Variants in MIB2 observed in about 807,000 individuals in gnomAD.
MIB2 encodes the protein MIB E3 ubiquitin protein ligase 2.
A neutral mutation model predicts 96.6 loss-of-function variants in MIB2; 78 were observed. That is an observed-to-expected ratio of 0.81 (90% CI 0.67 to 0.97). The LOEUF is 0.97. Among genes scored for constraint, MIB2 ranks in the 50% least tolerant of loss-of-function variants. The pLI is 0.00. For synonymous variants in MIB2, 820 were observed against 629.5 expected (o/e 1.30, Z -4.53); for missense variants, 1,543 against 1,424.0 (o/e 1.08, Z -1.35).
Position 1,627,166 on chromosome 1 carries a change from G to A in MIB2, c.1333G>A (p.Ala445Thr), listed in dbSNP as rs757806716. The change falls in exon 11 of 20, where the codon GCA becomes ACA. Residue 445 changes from alanine (A) to threonine (T), a missense_variant. Coordinates refer to ENST00000355826, the MANE Select transcript of MIB2 (RefSeq NM_001170687.4). ...GGTGGTGGAGGTGGCGCTGGGTAAC[G>A]CAGCCCGGGCTCTGGACCTGCTGCG... is the stretch of plus-strand genomic sequence containing the variant. ...RLVVEVALGN[A>T]ARALDLLRRR... 35 of 1,590,124 alleles carry A rather than the reference G, an allele frequency of 2.2e-5. No individual in the cohort carries two copies. Among genetic ancestry groups the A allele is most frequent in the Admixed American group, 5.4e-5 (3 of 55,538 alleles).
rs1000822115 is a variant in MIB2 at position 1,630,600 on chromosome 1, C to T, written c.*70C>T. 1.6e-6 allele frequency: 2 copies of T among 1,280,384 alleles called. No individual in the cohort carries two copies. Among genetic ancestry groups the T allele is most frequent in the Non-Finnish European group, 2.1e-6 (2 of 958,970 alleles). 79.3% of individuals were successfully genotyped at this position (1,280,384 alleles called of 1,614,324 possible). A position where few individuals can be genotyped will look rare whatever the true frequency, so the allele number is the denominator to read the frequency against. On this transcript the variant is annotated 3_prime_UTR_variant, in exon 20 of 20. Transcript: ENST00000355826. ...CCTGTGTTTTATAAAAAGAAAGATTCTCGGACGTTGCCTCTGCTGTCTGCC... is the reference window on the plus strand; with the variant it reads ...CCTGTGTTTTATAAAAAGAAAGATTTTCGGACGTTGCCTCTGCTGTCTGCC...
Position 1,625,076 on chromosome 1 carries a change from T to G in MIB2, c.612T>G (p.Ala204=), listed in dbSNP as rs532192492. The change falls in exon 6 of 20, where the codon GCT becomes GCG. Residue 204 remains alanine (A), a synonymous_variant. Transcript: ENST00000355826. This position sits in a 1 kb window ranked among gnomAD's most constrained non-coding sequence, Gnocchi z 5.0. The part of the protein sequence containing the change: ...TGRSVASVTW[A]DGTTNVYRVG... Reference sequence around the variant, plus strand: ...GGAGTGTGGCCAGCGTGACGTGGGCTGATGGTACCACCAATGTGTACCGTG... The same window carrying G: ...GGAGTGTGGCCAGCGTGACGTGGGCGGATGGTACCACCAATGTGTACCGTG... 1 of 1,613,300 alleles carries G rather than the reference T, an allele frequency of 6.2e-7. No individual in the cohort carries two copies. The highest frequency in any genetic ancestry group is 8.5e-7 in the Non-Finnish European group (1 of 1,179,998).
At chr1:1,622,354 C>T (rs1049830710) in intron 2 of MIB2, among the ~76,000 whole-genome samples, 6 of 152,206 alleles carry the variant, frequency 3.9e-5, no homozygotes, top group African/African-American at 1.4e-4. Context: ...CACATCCATT[C>T]TTCTTGTTAA....
At chr1:1,628,445 C>T in intron 15 of MIB2, 44 bp from the exon 16 acceptor site, 1 of 1,599,142 alleles carries the variant, frequency 6.3e-7, no homozygotes, top group Non-Finnish European at 8.5e-7. Context: ...GAGCGGGAGG[C>T]CCACTGGGGT....
At chr1:1,623,730 G>A (rs1287201072) in intron 3 of MIB2, 31 bp downstream of exon 3, 1 of 1,534,264 alleles carries the variant, frequency 6.5e-7, no homozygotes, top group Non-Finnish European at 8.8e-7. Context: ...GGACGGGCAG[G>A]ACCCGGGGGC....
At chr1:1,615,725 C>G in intron 1 of MIB2, 92 bp downstream of exon 1, 1 of 1,491,568 alleles carries the variant, frequency 6.7e-7, no homozygotes, top group Non-Finnish European at 8.9e-7. Flanking sequence ...GTCCGGTTCC[C>G]GCTCCCGCTG....
In MIB2 at chr1:1,629,217, G is replaced by A. The variant is rs752756516; in HGVS notation, c.2287G>A (p.Val763Met). 2 of 1,538,422 alleles carry A rather than the reference G, an allele frequency of 1.3e-6. No homozygotes were observed. Among genetic ancestry groups the A allele is most frequent in the Non-Finnish European group, 1.7e-6 (2 of 1,152,464 alleles). The change falls in exon 17 of 20, where the codon GTG (valine) becomes ATG (methionine). Residue 763 changes from valine to methionine, a missense_variant. Transcript: ENST00000355826. Reference sequence around the variant, plus strand: ...CTTCCTGGCGCTGGAGGGCGCCGACGTGAGCTACACCAACCACCGCGGTCG... The same window carrying A: ...CTTCCTGGCGCTGGAGGGCGCCGACATGAGCTACACCAACCACCGCGGTCG... ...ACFLALEGAD[V>M]SYTNHRGRSP... is the part of the protein sequence containing the mutation.
Position 1,626,953 on chromosome 1 carries a change from GGA to G in MIB2, c.1196_1197del (p.Glu399GlyfsTer30). On this transcript the variant is annotated frameshift_variant, in exon 10 of 20. Transcript: ENST00000355826. LOFTEE classifies it high-confidence loss of function. This position sits in a 1 kb window ranked among gnomAD's most constrained non-coding sequence, Gnocchi z 5.3. ...PSCLVAYRPE[E>X]DANLDVAERA... Reference sequence around the variant, plus strand: ...CCTGCCTGGTGGCCTACCGGCCCGAGGAGGATGCCAACCTGGACGTGGCCGAG... The same window carrying G: ...CCTGCCTGGTGGCCTACCGGCCCGAGGGATGCCAACCTGGACGTGGCCGAG... 7 of 1,611,414 alleles carry G rather than the reference GGA, an allele frequency of 4.3e-6. No homozygotes were observed. The highest frequency in any genetic ancestry group is 5.1e-6 in the Non-Finnish European group (6 of 1,179,606).
intron 2 of MIB2, among the ~76,000 whole-genome samples, chr1:1,620,815 G>A (rs1256944309): frequency 6.6e-6 from 1 of 152,266 alleles, no homozygotes; most frequent in African/African-American, 2.4e-5. Flanking sequence ...AGAGCAGGCA[G>A]TGGGGAGCTG....
chr1:1,623,375 C>T lies in MIB2; in HGVS notation c.-22-56C>T, dbSNP rs368037861. The T allele has an allele frequency of 2.5e-5, 39 of 1,588,676 alleles. No individual in the cohort carries two copies. In the African/African-American group the frequency reaches 4.5e-4, roughly 18 times the overall value. ...AGTGTCCCATGGTGGCCTGAGAATA[C>T]CCTCTGCCCACAGGTCCCGAGCAGC... is the stretch of plus-strand genomic sequence containing the variant. On this transcript the variant is annotated intron_variant, in intron 2 of 19. Coordinates refer to ENST00000355826, the MANE Select transcript of MIB2 (RefSeq NM_001170687.4).
chr1:1,627,004 G>A lies in MIB2; in HGVS notation c.1240+5G>A, dbSNP rs1490419767. The A allele has an allele frequency of 6.2e-6, 10 of 1,610,576 alleles. No individual in the cohort carries two copies. The highest frequency in any genetic ancestry group is 2.2e-5 in the East Asian group (1 of 44,778). ...AGCGCGCCCGGGAGAACAAAAGTGC[G>A]GCACAGCTCAGGCGGCCAGTGGGAG... On this transcript the variant is annotated splice_donor_5th_base_variant and intron_variant, in intron 10 of 19. Coordinates refer to ENST00000355826, the MANE Select transcript of MIB2 (RefSeq NM_001170687.4).
intron 14 of MIB2, 25 bp downstream of exon 14, chr1:1,628,204 T>C: frequency 1.2e-6 from 2 of 1,612,316 alleles, no homozygotes; most frequent in Non-Finnish European, 1.7e-6. Context: ...GGCACACAGC[T>C]GCAGCCGGCC....
chr1:1,616,886 C>T lies in MIB2; in HGVS notation c.-23+272C>T, dbSNP rs1643771939. On this transcript the variant is annotated intron_variant, in intron 2 of 19. Coordinates refer to ENST00000355826, the MANE Select transcript of MIB2 (RefSeq NM_001170687.4). ...GGCAAGCCTGGCCCTTCCCGGGAGG[C>T]CCCCTTTGTCCGGTTCCACCCTGGC... The T allele has an allele frequency of 2.0e-5, 8 of 395,096 alleles. No homozygotes were observed. In the South Asian group the frequency reaches 2.2e-4, roughly 11 times the overall value. The allele number at this position is 395,096 out of a possible 1,614,324, so 24.5% of individuals were successfully genotyped here. A position where few individuals can be genotyped will look rare whatever the true frequency, so the allele number is the denominator to read the frequency against.
intron 4 of MIB2, 111 bp downstream of exon 4, chr1:1,624,056 C>G: frequency 1.5e-6 from 2 of 1,292,594 alleles, no homozygotes; most frequent in Non-Finnish European, 2.1e-6. Context: ...GAAGACGGAG[C>G]AAGTCTCTCC....
At position 1,629,665 on chromosome 1, in the gene MIB2, A is replaced by G. The variant is rs1383309103; in HGVS notation, c.2590A>G (p.Ile864Val). The change falls in exon 19 of 20, where the codon ATC (isoleucine) becomes GTC (valine). Residue 864 changes from isoleucine to valine, a missense_variant. Physicochemically the swap from Ile to Val is conservative, Grantham distance 29. Coordinates refer to ENST00000355826, the MANE Select transcript of MIB2 (RefSeq NM_001170687.4). Reference protein sequence around the residue: ...EECARRMKKCIRCQVVVSKKL... With the variant: ...EECARRMKKCVRCQVVVSKKL... ...GTGCGCGCGCAGGATGAAGAAGTGC[A>G]TCAGGTGCCAGGTGGTCGTCAGCAA... 4 of 1,599,944 alleles carry G rather than the reference A, an allele frequency of 2.5e-6. No individual in the cohort carries two copies. The highest frequency in any genetic ancestry group is 3.4e-6 in the Non-Finnish European group (4 of 1,173,276).
chr1:1,615,701 A>G, intron 1 of MIB2, 68 bp downstream of exon 1: 2 of 1,511,936 alleles, frequency 1.3e-6, no homozygotes, highest in African/African-American at 1.4e-5. Context: ...CCGCTCTGGC[A>G]GAACGCGAGC....
In MIB2 at chr1:1,625,712, C is replaced by G; in HGVS notation, c.972+59C>G. 7.0e-7 allele frequency: 1 copy of G among 1,426,048 alleles called. No homozygotes were observed. The highest frequency in any genetic ancestry group is 9.6e-7 in the Non-Finnish European group (1 of 1,039,244). 88.3% of individuals were successfully genotyped at this position (1,426,048 alleles called of 1,614,324 possible). A position where few individuals can be genotyped will look rare whatever the true frequency, so the allele number is the denominator to read the frequency against. ...TGCTTCTGTAACCCCTTCCACGTACCCCCTTGGCCTTGGGGGGTCAGGCAG... is the reference window on the plus strand; with the variant it reads ...TGCTTCTGTAACCCCTTCCACGTACGCCCTTGGCCTTGGGGGGTCAGGCAG... On this transcript the variant is annotated intron_variant, in intron 8 of 19. Transcript: ENST00000355826. This position sits in a 1 kb window ranked among gnomAD's most constrained non-coding sequence, Gnocchi z 5.0.
chr1:1,615,554 A>C lies in MIB2; in HGVS notation c.-209A>C. On this transcript the variant is annotated 5_prime_UTR_variant, in exon 1 of 20. Coordinates refer to ENST00000355826, the MANE Select transcript of MIB2 (RefSeq NM_001170687.4). Reference sequence around the variant, plus strand: ...CGCTCTCCTCAGTGCCCGGTGGCCCAGGAGGGCCTGGGAGCCCGAAGCCGT... The same window carrying C: ...CGCTCTCCTCAGTGCCCGGTGGCCCCGGAGGGCCTGGGAGCCCGAAGCCGT... The C allele has an allele frequency of 1.3e-6, 2 of 1,537,198 alleles. No individual in the cohort carries two copies. Among genetic ancestry groups the C allele is most frequent in the Non-Finnish European group, 1.7e-6 (2 of 1,146,246 alleles).
At position 1,629,143 on chromosome 1, in the gene MIB2, C is replaced by T. The variant is rs1362370784; in HGVS notation, c.2213C>T (p.Ser738Leu). The T allele has an allele frequency of 2.7e-6, 4 of 1,493,244 alleles. No homozygotes were observed. Among genetic ancestry groups the T allele is most frequent in the South Asian group, 1.3e-5 (1 of 79,356 alleles). 92.5% of individuals were successfully genotyped at this position (1,493,244 alleles called of 1,614,324 possible). A position where few individuals can be genotyped will look rare whatever the true frequency, so the allele number is the denominator to read the frequency against. ...PLQLLSRLQA[S>L]GLPGSAELTV... The stretch of plus-strand genomic sequence containing the variant: ...TGTCCTGCCGCCCAGCTACAGGCCT[C>T]GGGCCTCCCCGGCAGCGCGGAGCTG... Residue 738 changes from serine to leucine, a missense_variant, in exon 17 of 20, where the codon TCG (serine) becomes TTG (leucine). Physicochemically the swap from Ser to Leu is moderately radical, Grantham distance 145. Transcript: ENST00000355826.
Sources: gnomAD v4.1 joint callset for allele counts (sites outside exome capture counted in the v4.1 genomes callset) on GRCh38, gnomAD v4.1.1 for gene constraint, Gnocchi (gnomAD v3.1) non-coding constraint, MANE v1.5 for transcripts, NCBI Gene and HGNC (gene_info 2026-07-23, HGNC 2026-07-21) for gene names.